The following PTPRD variants were observed in gnomAD, a reference collection of about 807,000 sequenced individuals.
PTPRD encodes protein tyrosine phosphatase receptor type D.
A neutral mutation model predicts 214.5 loss-of-function variants in PTPRD; 34 were observed. That is an observed-to-expected ratio of 0.16 (90% CI 0.12 to 0.21). The LOEUF is 0.21. PTPRD is among the 10% of genes least tolerant of loss of function. The probability of loss-of-function intolerance (pLI) is 1.00; values close to 1 mark genes in which losing one functional copy is unlikely to be tolerated. For missense variants in PTPRD, 2,545 were observed against 2,398.7 expected, an observed-to-expected ratio of 1.06 and a Z score of -1.27; for synonymous variants, 1,128 against 845.7, an observed-to-expected ratio of 1.33 and a Z score of -5.79.
intron 8 of PTPRD, among the ~76,000 whole-genome samples, chr9:9,422,627 T>G (rs899493326): frequency 2.0e-5 from 3 of 152,166 alleles, no homozygotes; most frequent in African/African-American, 7.2e-5. Flanking sequence ...GAGACAGTGA[T>G]GTCAGATAGA....
intron 43 of PTPRD, among the ~76,000 whole-genome samples, chr9:8,337,353 C>T (rs1017517338): frequency 1.3e-5 from 2 of 152,170 alleles, no homozygotes; most frequent in South Asian, 2.1e-4. Flanking sequence ...CAAACTAACA[C>T]AGGAACAGAA....
intron 7 of PTPRD, among the ~76,000 whole-genome samples, chr9:9,639,574 T>A (rs2095872036): frequency 6.6e-6 from 1 of 152,192 alleles, no homozygotes; most frequent in African/African-American, 2.4e-5. Context: ...TAGATAACAG[T>A]TATATTGTTT....
At chr9:8,712,725 G>C (rs900486219) in intron 12 of PTPRD, among the ~76,000 whole-genome samples, 8 of 151,590 alleles carry the variant, frequency 5.3e-5, no homozygotes, top group African/African-American at 1.7e-4. Context: ...TTCTTTTTTG[G>C]GGGGTGGGGG....
chr9:9,992,059 A>C (rs553131273), intron 4 of PTPRD, among the ~76,000 whole-genome samples: 2 of 152,316 alleles, frequency 1.3e-5, no homozygotes, highest in East Asian at 3.9e-4. Context: ...GAGAGTTAGA[A>C]AGTAGATTCG....
chr9:9,715,960 A>G lies in PTPRD; in HGVS notation c.-287+18573T>C, dbSNP rs184251057. Among the ~76,000 whole-genome samples the G allele has an allele frequency of 2.5e-3, 385 of 152,180 alleles. 3 individuals carry two copies. Among genetic ancestry groups the G allele is most frequent in the African/African-American group, 8.4e-3 (348 of 41,516 alleles). On this transcript the variant is annotated intron_variant, in intron 7 of 45. Transcript: ENST00000381196. ...GCTGGTGCGCTGCACCCATTAACTCATCATCTAGCATTAGGTATATGTCCT... is the reference window on the plus strand; with the variant it reads ...GCTGGTGCGCTGCACCCATTAACTCGTCATCTAGCATTAGGTATATGTCCT...
At chr9:9,483,983 C>G (rs1030437950) in intron 8 of PTPRD, among the ~76,000 whole-genome samples, 1 of 151,650 alleles carries the variant, frequency 6.6e-6, no homozygotes, top group Admixed American at 6.6e-5. Context: ...AAAAAAAATC[C>G]ACACCATATA....
chr9:8,392,548 A>G (rs965801530), intron 36 of PTPRD, among the ~76,000 whole-genome samples: 2 of 152,134 alleles, frequency 1.3e-5, no homozygotes, highest in African/African-American at 2.4e-5. Flanking sequence ...AATAATTAAT[A>G]TTCTGAAAAA....
rs574577063 is a variant in PTPRD at position 8,596,784 on chromosome 9, G to C, written c.352+36533C>G. Among the ~76,000 whole-genome samples, 6 of 152,178 alleles carry C rather than the reference G, an allele frequency of 3.9e-5. No homozygotes were observed. In the East Asian group the frequency reaches 9.6e-4, roughly 24 times the overall value. Reference sequence around the variant, plus strand: ...CCTTATCTAAGCTAGGCAACACAAAGCAACAATATTGTTGATAAACAGCTT... The same window carrying C: ...CCTTATCTAAGCTAGGCAACACAAACCAACAATATTGTTGATAAACAGCTT... On this transcript the variant is annotated intron_variant, in intron 14 of 45. Coordinates refer to ENST00000381196, the MANE Select transcript of PTPRD (RefSeq NM_002839.4).
At chr9:9,912,579 G>A (rs1425629068) in intron 5 of PTPRD, among the ~76,000 whole-genome samples, 1 of 152,140 alleles carries the variant, frequency 6.6e-6, no homozygotes, top group East Asian at 1.9e-4. Context: ...AGAGAAAGCT[G>A]AATAATATTA....
chr9:8,823,911 AT>A (rs1049540372), intron 11 of PTPRD, among the ~76,000 whole-genome samples: 1 of 152,158 alleles, frequency 6.6e-6, no homozygotes, highest in Non-Finnish European at 1.5e-5. Flanking sequence ...GCCCATTTTT[AT>A]GGTTATTTCT....
intron 33 of PTPRD, among the ~76,000 whole-genome samples, chr9:8,457,306 C>T (rs1171334254): frequency 6.6e-6 from 1 of 152,044 alleles, no homozygotes; most frequent in Non-Finnish European, 1.5e-5. Flanking sequence ...TATCTTATCT[C>T]TGGAATGTGT....
At chr9:9,099,780 A>G (rs1008281061) in intron 10 of PTPRD, among the ~76,000 whole-genome samples, 2 of 152,212 alleles carry the variant, frequency 1.3e-5, no homozygotes, top group African/African-American at 4.8e-5. Flanking sequence ...CCAGACACCA[A>G]TTATCACCTC....
chr9:8,355,819 G>C lies in PTPRD; in HGVS notation c.4662-13841C>G, dbSNP rs200041690. 3.3e-5 allele frequency among the ~76,000 whole-genome samples: 5 copies of C among 152,282 alleles called. No individual in the cohort carries two copies. The East Asian group carries it at 9.7e-4, about 29-fold the overall frequency. ...TAAGTCTGGGGTGGGACCAAAGATTGTGCATTTCCAACAAGTTCTAAAGCC... is the reference window on the plus strand; with the variant it reads ...TAAGTCTGGGGTGGGACCAAAGATTCTGCATTTCCAACAAGTTCTAAAGCC... On this transcript the variant is annotated intron_variant, in intron 39 of 45. Coordinates refer to ENST00000381196, the MANE Select transcript of PTPRD (RefSeq NM_002839.4).
At chr9:9,278,536 T>A (rs1029933212) in intron 9 of PTPRD, among the ~76,000 whole-genome samples, 1 of 151,288 alleles carries the variant, frequency 6.6e-6, no homozygotes, top group African/African-American at 2.4e-5. Flanking sequence ...TATTTTAACG[T>A]CAGATGAGGG....
intron 9 of PTPRD, among the ~76,000 whole-genome samples, chr9:9,318,403 G>C (rs567548604): frequency 9.2e-5 from 14 of 152,106 alleles, no homozygotes; most frequent in African/African-American, 2.9e-4. Context: ...AAATAAAGAA[G>C]ACTATAAAAT....
chr9:10,590,565 C>A (rs2075177187), intron 2 of PTPRD, among the ~76,000 whole-genome samples: 1 of 151,976 alleles, frequency 6.6e-6, no homozygotes, highest in Admixed American at 6.6e-5. Flanking sequence ...TAAAAGCATA[C>A]TGTATATAAT....
At chr9:9,076,975 G>C (rs189828271) in intron 10 of PTPRD, among the ~76,000 whole-genome samples, 1 of 151,938 alleles carries the variant, frequency 6.6e-6, no homozygotes, top group Non-Finnish European at 1.5e-5. Context: ...GCTGTTGCCT[G>C]TCTTTTGAAT....
intron 6 of PTPRD, among the ~76,000 whole-genome samples, chr9:9,736,997 A>G (rs2098310422): frequency 6.6e-6 from 1 of 152,060 alleles, no homozygotes; most frequent in Non-Finnish European, 1.5e-5. Flanking sequence ...ATAATCATAT[A>G]TACACATCTG....
At position 9,292,365 on chromosome 9, in the gene PTPRD, C is replaced by G. The variant is rs548146082; in HGVS notation, c.-203+105084G>C. On this transcript the variant is annotated intron_variant, in intron 9 of 45. Transcript: ENST00000381196. Reference sequence around the variant, plus strand: ...TTTCCGCATGATGTAGGAAGATTTCCCATTTACCATTAGGTGACTGACATA... The same window carrying G: ...TTTCCGCATGATGTAGGAAGATTTCGCATTTACCATTAGGTGACTGACATA... Among the ~76,000 whole-genome samples, 4 of 151,364 alleles carry G rather than the reference C, an allele frequency of 2.6e-5. No individual in the cohort carries two copies. In the East Asian group the frequency reaches 7.8e-4, roughly 30 times the overall value.
Sources: allele counts gnomAD v4.1 joint callset (sites outside exome capture counted in the v4.1 genomes callset), GRCh38; gene constraint gnomAD v4.1.1; transcripts MANE v1.5; gene names NCBI Gene and HGNC (gene_info 2026-07-23, HGNC 2026-07-21).